The following ATP10D variants were observed in gnomAD, a reference collection of about 807,000 sequenced individuals.
ATP10D encodes the protein ATPase phospholipid transporting 10D (putative).
In ATP10D, 89 loss-of-function variants were observed where a neutral mutation model predicts 144.8. The ratio of observed to expected loss-of-function variants is 0.61; its 90% CI spans 0.52 to 0.73. The LOEUF (loss-of-function observed/expected upper bound fraction) is 0.73. Among genes scored for constraint, ATP10D ranks in the 30% least tolerant of loss-of-function variants. The probability of loss-of-function intolerance (pLI) is 0.00; values close to 1 mark genes in which losing one functional copy is unlikely to be tolerated. For synonymous variants in ATP10D, 571 were observed against 615.1 expected (o/e 0.93, Z 1.06); for missense variants, 1,603 against 1,714.8 (o/e 0.93, Z 1.15).
chr4:47,575,441 T>A (rs1329074559), intron 18 of ATP10D, among the ~76,000 whole-genome samples: 1 of 152,104 alleles, frequency 6.6e-6, no homozygotes, highest in Non-Finnish European at 1.5e-5. Flanking sequence ...GTGTCCCGGT[T>A]TTAGCACTGG....
At chr4:47,514,000 G>A (rs1463707147) in intron 2 of ATP10D, among the ~76,000 whole-genome samples, 2 of 152,142 alleles carry the variant, frequency 1.3e-5, no homozygotes, top group African/African-American at 4.8e-5. Flanking sequence ...AGTGAAAGGA[G>A]TAAAAAAGAT....
rs1195098453 is a variant in ATP10D, at chr4:47,536,532, T to C, written c.1111T>C (p.Tyr371His). 6.2e-7 allele frequency: 1 copy of C among 1,613,662 alleles called. No homozygotes were observed. Among genetic ancestry groups the C allele is most frequent in the Admixed American group, 1.7e-5 (1 of 59,988 alleles). ...HIISPLLAGF[Y>H]MFWTMIILLQ... ...CATATCACCACTGTTGGCAGGATTT[T>C]ATATGTTTTGGACCATGATCATTTT... The change falls in exon 8 of 23, where the codon TAT (tyrosine) becomes CAT (histidine). Residue 371 changes from tyrosine (Y) to histidine (H), a missense_variant. Tyr to His is a moderately conservative substitution (Grantham distance 83). Coordinates refer to ENST00000273859, the MANE Select transcript of ATP10D (RefSeq NM_020453.4).
chr4:47,490,696 T>C (rs961396609), intron 1 of ATP10D, among the ~76,000 whole-genome samples: 3 of 152,194 alleles, frequency 2.0e-5, no homozygotes, highest in Non-Finnish European at 4.4e-5. Flanking sequence ...ATAGGGCAAG[T>C]GAAGAACACG....
intron 15 of ATP10D, among the ~76,000 whole-genome samples, chr4:47,566,954 G>A (rs1373444589): frequency 6.6e-6 from 1 of 152,116 alleles, no homozygotes; most frequent in Non-Finnish European, 1.5e-5. Context: ...TGGAAACACT[G>A]CAGCCCATGA....
intron 10 of ATP10D, among the ~76,000 whole-genome samples, chr4:47,549,695 A>G (rs1718626644): frequency 6.6e-6 from 1 of 152,264 alleles, no homozygotes; most frequent in African/African-American, 2.4e-5. Flanking sequence ...TAGTTAATCC[A>G]AAGTATAGTA....
rs773977729 is a variant in ATP10D at position 47,557,767 on chromosome 4, A to G, written c.1928A>G (p.Asn643Ser). The change falls in exon 12 of 23, where the codon AAC (asparagine) becomes AGC (serine). Residue 643 changes from asparagine to serine, a missense_variant. By Grantham distance (46) the Asn-to-Ser change is conservative. Transcript: ENST00000273859. ...CGAAGATCAAGTTCTCCATCGCTTA[A>G]CAGTGGGAAAGAGCCATCTTCTGGA... ...SVRRSSSPSL[N>S]SGKEPSSGVP... 3 of 1,614,134 alleles carry G rather than the reference A, an allele frequency of 1.9e-6. No homozygotes were observed. The highest frequency in any genetic ancestry group is 2.5e-6 in the Non-Finnish European group (3 of 1,180,042).
chr4:47,495,948 G>C lies in ATP10D; in HGVS notation c.-38+10429G>C, dbSNP rs191896992. On this transcript the variant is annotated intron_variant, in intron 1 of 22. Transcript: ENST00000273859. ...GATGGGGTTTCTCCATGTTGGTCAG[G>C]CTGGTCGCGAACTCCTGACCTGAGG... Among the ~76,000 whole-genome samples the C allele has an allele frequency of 1.1e-3, 170 of 151,886 alleles. 1 individual carries two copies. The highest frequency in any genetic ancestry group is 4.0e-3 in the African/African-American group (166 of 41,420).
intron 22 of ATP10D, 116 bp downstream of exon 22, chr4:47,587,322 C>G (rs1720839243): frequency 1.1e-6 from 1 of 907,070 alleles, no homozygotes; most frequent in East Asian, 2.5e-5. Flanking sequence ...GTGAGAAAGT[C>G]AATTTGTGTC....
chr4:47,508,767 ATG>A (rs987343299), intron 1 of ATP10D, among the ~76,000 whole-genome samples: 1 of 152,148 alleles, frequency 6.6e-6, no homozygotes, highest in East Asian at 1.9e-4. Flanking sequence ...TTGCTTTTAT[ATG>A]TGTGTGTGTA....
Position 47,522,991 on chromosome 4 carries a change from T to TA in ATP10D, c.486-21_486-20insA, listed in dbSNP as rs759284417. 7.8e-6 allele frequency: 12 copies of TA among 1,539,994 alleles called. No homozygotes were observed. In the African/African-American group the frequency reaches 1.4e-4, roughly 18 times the overall value. On this transcript the variant is annotated intron_variant, in intron 3 of 22. Transcript: ENST00000273859. ...TTTCACTTGATATTCTTTTTTTTTT[T>TA]TAACTTTTTTTTAATTACAGGAAAG...
chr4:47,506,454 T>C (rs1252340983), intron 1 of ATP10D, among the ~76,000 whole-genome samples: 1 of 152,224 alleles, frequency 6.6e-6, no homozygotes, highest in Admixed American at 6.5e-5. Flanking sequence ...TTGTAGATTT[T>C]AGAACTTTAA....
chr4:47,570,927 G>T (rs146167077), intron 16 of ATP10D, among the ~76,000 whole-genome samples: 1 of 152,290 alleles, frequency 6.6e-6, no homozygotes, highest in African/African-American at 2.4e-5. Flanking sequence ...AGAGACTCCA[G>T]TGTTAAACTG....
chr4:47,512,816 T>A lies in ATP10D; in HGVS notation c.276T>A (p.Phe92Leu). The change falls in exon 2 of 23, where the codon TTT becomes TTA. Residue 92 changes from phenylalanine (F) to leucine (L), a missense_variant. Physicochemically the swap from Phe to Leu is conservative, Grantham distance 22 (BLOSUM62 0). Transcript: ENST00000273859. ...TGAATTTTGTGCCAAGAAATTTATT[T>A]GAACAATTTCACAGGTACTGTTTTA... ...TLLNFVPRNL[F>L]EQFHRAANLY... is the part of the protein sequence containing the mutation. 1 of 1,602,304 alleles carries A rather than the reference T, an allele frequency of 6.2e-7. No individual in the cohort carries two copies. Among genetic ancestry groups the A allele is most frequent in the East Asian group, 2.2e-5 (1 of 44,538 alleles).
Position 47,557,750 on chromosome 4 carries a change from A to G in ATP10D, c.1911A>G (p.Ser637=). 2.5e-6 allele frequency: 4 copies of G among 1,614,236 alleles called. No individual in the cohort carries two copies. Among genetic ancestry groups the G allele is most frequent in the Non-Finnish European group, 3.4e-6 (4 of 1,180,046 alleles). The change falls in exon 12 of 23, where the codon TCA becomes TCG. Residue 637 remains serine, a synonymous_variant. Transcript: ENST00000273859. ...TCCAGAGATGGTCTGTCCGAAGATC[A>G]AGTTCTCCATCGCTTAACAGTGGGA... is the stretch of plus-strand genomic sequence containing the variant. ...SLFQRWSVRR[S]SSPSLNSGKE... is the part of the protein sequence containing the mutation.
intron 1 of ATP10D, among the ~76,000 whole-genome samples, chr4:47,511,360 G>A (rs1716316750): frequency 6.6e-6 from 1 of 152,130 alleles, no homozygotes; most frequent in South Asian, 2.1e-4. Flanking sequence ...TGATAAGACG[G>A]GCTATCTATT....
At chr4:47,520,459 G>A (rs924533141) in intron 3 of ATP10D, among the ~76,000 whole-genome samples, 9 of 151,994 alleles carry the variant, frequency 5.9e-5, no homozygotes, top group Non-Finnish European at 7.4e-5. Context: ...CAGTTCGCTC[G>A]TCTTTACTGT....
At chr4:47,564,334 T>G (rs1719485044) in intron 15 of ATP10D, among the ~76,000 whole-genome samples, 3 of 152,088 alleles carry the variant, frequency 2.0e-5, no homozygotes, top group African/African-American at 7.3e-5. Context: ...GAAGAAAGTT[T>G]TTTTTTTTTA....
rs571681356 is a variant in ATP10D at position 47,522,930 on chromosome 4, G to A, written c.486-82G>A. On this transcript the variant is annotated intron_variant, in intron 3 of 22. Coordinates refer to ENST00000273859, the MANE Select transcript of ATP10D (RefSeq NM_020453.4). ...ACTTAATATATACTTTAAATTATAC[G>A]CTAAAAAATTTTTTAAAAAAAACAT... The A allele has an allele frequency of 7.7e-5, 88 of 1,143,170 alleles. 1 individual carries two copies. In the African/African-American group the frequency reaches 8.3e-4, roughly 11 times the overall value. 70.8% of individuals were successfully genotyped at this position (1,143,170 alleles called of 1,614,324 possible). A position where few individuals can be genotyped will look rare whatever the true frequency, so the allele number is the denominator to read the frequency against.
At chr4:47,568,400 GA>G (rs1719751579) in intron 15 of ATP10D, among the ~76,000 whole-genome samples, 1 of 152,182 alleles carries the variant, frequency 6.6e-6, no homozygotes, top group Non-Finnish European at 1.5e-5. Context: ...CTTACACTAG[GA>G]GTTTTGCCTG....
Sources: gnomAD v4.1 joint callset for allele counts (sites outside exome capture counted in the v4.1 genomes callset) on GRCh38, gnomAD v4.1.1 for gene constraint, MANE v1.5 for transcripts, NCBI Gene and HGNC (gene_info 2026-07-23, HGNC 2026-07-21) for gene names.